NLGN1: variants seen among roughly 807,000 people sequenced by gnomAD.
NLGN1 encodes the protein neuroligin 1.
NLGN1 carries 12 observed loss-of-function variants against 65.5 expected under a neutral mutation model. The observed-to-expected ratio is 0.18, with a 90% confidence interval of 0.12 to 0.30. NLGN1 has a LOEUF of 0.30. Among genes scored for constraint, NLGN1 ranks in the 10% least tolerant of loss-of-function variants. NLGN1 has a pLI of 1.00. For synonymous variants in NLGN1, 350 were observed against 359.5 expected (o/e 0.97, Z 0.30); for missense variants, 750 against 1,007.1 (o/e 0.74, Z 3.46).
chr3:173,918,355 G>A (rs1025316232), intron 4 of NLGN1, among the ~76,000 whole-genome samples: 1 of 151,926 alleles, frequency 6.6e-6, no homozygotes, highest in African/African-American at 2.4e-5. Flanking sequence ...GCATAGAATG[G>A]GCCGGGCGCG....
At chr3:173,446,334 C>A (rs1196091637) in intron 2 of NLGN1, among the ~76,000 whole-genome samples, 8 of 151,386 alleles carry the variant, frequency 5.3e-5, no homozygotes, top group Non-Finnish European at 1.2e-4. Flanking sequence ...TTTGTCCTTG[C>A]AATAGTTTGC....
chr3:174,252,365 G>A (rs1442671205), intron 4 of NLGN1, among the ~76,000 whole-genome samples: 8 of 151,972 alleles, frequency 5.3e-5, no homozygotes, highest in South Asian at 2.1e-4. Context: ...TTAGTAAAGC[G>A]AAAAGGAGAG....
chr3:173,557,184 A>C (rs2149282562), intron 2 of NLGN1, among the ~76,000 whole-genome samples: 1 of 152,206 alleles, frequency 6.6e-6, no homozygotes, highest in African/African-American at 2.4e-5. Context: ...CTTCCTGATG[A>C]ATGGACCTTT....
intron 4 of NLGN1, among the ~76,000 whole-genome samples, chr3:174,110,648 A>C (rs905090100): frequency 6.6e-6 from 1 of 152,016 alleles, no homozygotes; most frequent in Admixed American, 6.6e-5. Flanking sequence ...GAAGTAAATA[A>C]TGAAAAGCGT....
chr3:173,998,985 G>A (rs185466911), intron 4 of NLGN1, among the ~76,000 whole-genome samples: 12 of 152,236 alleles, frequency 7.9e-5, no homozygotes, highest in South Asian at 2.1e-4. Flanking sequence ...ACTCTTAGCC[G>A]TAGTCGCACA....
At position 174,257,014 on chromosome 3, in the gene NLGN1, G is replaced by C. The variant is rs187704362; in HGVS notation, c.647-18301G>C. 1.1e-3 allele frequency among the ~76,000 whole-genome samples: 166 copies of C among 152,262 alleles called. 1 individual carries two copies. The highest frequency in any genetic ancestry group is 3.7e-3 in the African/African-American group (154 of 41,564). On this transcript the variant is annotated intron_variant, in intron 4 of 6. Transcript: ENST00000457714. ...GAAAATGTTTGGAATCTATCCATCTGACAAAGGTCTAATATCCAACATCTC... is the reference window on the plus strand; with the variant it reads ...GAAAATGTTTGGAATCTATCCATCTCACAAAGGTCTAATATCCAACATCTC...
At chr3:173,548,409 G>A (rs1740258756) in intron 2 of NLGN1, among the ~76,000 whole-genome samples, 1 of 151,984 alleles carries the variant, frequency 6.6e-6, no homozygotes, top group Admixed American at 6.6e-5. Flanking sequence ...ATGAAAAAGT[G>A]AAAGAGAAAG....
At chr3:173,519,187 T>C (rs918263350) in intron 2 of NLGN1, among the ~76,000 whole-genome samples, 2 of 152,174 alleles carry the variant, frequency 1.3e-5, no homozygotes, top group Admixed American at 6.5e-5. Flanking sequence ...TAGATTACTA[T>C]ACTATGTATG....
In NLGN1 at chr3:173,499,129, C is replaced by T. The variant is rs1394540600; in HGVS notation, c.-321+64051C>T. 1.3e-5 allele frequency among the ~76,000 whole-genome samples: 2 copies of T among 151,502 alleles called. 1 individual carries two copies. Among genetic ancestry groups the T allele is most frequent in the African/African-American group, 4.9e-5 (2 of 40,956 alleles). Reference sequence around the variant, plus strand: ...GTGTTTTAGACATGAAGTCCTTGCCCATGCCTATGTCCTGAATGGTATTGC... The same window carrying T: ...GTGTTTTAGACATGAAGTCCTTGCCTATGCCTATGTCCTGAATGGTATTGC... On this transcript the variant is annotated intron_variant, in intron 2 of 6. Coordinates refer to ENST00000457714, the Ensembl canonical transcript of NLGN1.
At chr3:174,255,492 G>C (rs563060800) in intron 4 of NLGN1, among the ~76,000 whole-genome samples, 47 of 149,298 alleles carry the variant, frequency 3.1e-4, no homozygotes, top group African/African-American at 1.2e-3. Context: ...TTGCAGAGAG[G>C]AATCTGTGAA....
chr3:173,977,153 C>T (rs1444357342), intron 4 of NLGN1, among the ~76,000 whole-genome samples: 1 of 151,490 alleles, frequency 6.6e-6, no homozygotes, highest in Non-Finnish European at 1.5e-5. Context: ...TCAACTGTGA[C>T]AAATGCTGCA....
intron 3 of NLGN1, among the ~76,000 whole-genome samples, chr3:173,684,290 A>G (rs913857045): frequency 6.6e-6 from 1 of 152,170 alleles, no homozygotes; most frequent in African/African-American, 2.4e-5. Flanking sequence ...ACTTCTATAT[A>G]CCTTTCCAGC....
At chr3:173,492,222 C>G (rs1729288705) in intron 2 of NLGN1, among the ~76,000 whole-genome samples, 1 of 151,780 alleles carries the variant, frequency 6.6e-6, no homozygotes, top group African/African-American at 2.4e-5. Flanking sequence ...TATCTGACTT[C>G]TAGTAGGTGT....
chr3:174,272,665 GGATAGATAGATA>G (rs779724767), intron 4 of NLGN1, among the ~76,000 whole-genome samples: 89 of 116,656 alleles, frequency 7.6e-4, no homozygotes, highest in Admixed American at 4.1e-3. Context: ...ATGGATGGAT[GGATAGATAGATA>G]GATAGATAGA....
intron 4 of NLGN1, among the ~76,000 whole-genome samples, chr3:173,838,118 T>G (rs2150651659): frequency 6.6e-6 from 1 of 152,260 alleles, no homozygotes; most frequent in South Asian, 2.1e-4. Flanking sequence ...CAGCTCAAGG[T>G]TTGTTCCTTA....
intron 4 of NLGN1, 49 bp from the exon 5 acceptor site, chr3:174,275,266 T>TTTGA (rs760349367): frequency 7.2e-6 from 10 of 1,392,792 alleles, no homozygotes; most frequent in African/African-American, 1.4e-5. Context: ...TTGATGTCTA[T>TTTGA]TTGATTCACG....
chr3:173,897,040 T>C (rs1301511814), intron 4 of NLGN1, among the ~76,000 whole-genome samples: 2 of 152,198 alleles, frequency 1.3e-5, no homozygotes, highest in Non-Finnish European at 2.9e-5. Context: ...CCAAAAGGTG[T>C]TCTTTGTCAG....
At chr3:174,132,730 T>A (rs1380531334) in intron 4 of NLGN1, among the ~76,000 whole-genome samples, 1 of 152,154 alleles carries the variant, frequency 6.6e-6, no homozygotes, top group Non-Finnish European at 1.5e-5. Context: ...TTTTATATGA[T>A]CGCAACAAGG....
intron 3 of NLGN1, among the ~76,000 whole-genome samples, chr3:173,682,640 C>G (rs1376859704): frequency 6.8e-6 from 1 of 147,926 alleles, no homozygotes; most frequent in South Asian, 2.2e-4. Context: ...CCATGATTTT[C>G]CATACCTAAG....
Sources: allele counts gnomAD v4.1 joint callset (sites outside exome capture counted in the v4.1 genomes callset), GRCh38; gene constraint gnomAD v4.1.1; transcripts MANE v1.5; gene names NCBI Gene and HGNC (gene_info 2026-07-23, HGNC 2026-07-21).